The following LRRC7 variants were observed in gnomAD, a reference collection of about 807,000 sequenced individuals.
The protein encoded by LRRC7 is leucine-rich repeat-containing protein 7.
In LRRC7, 23 loss-of-function variants were observed where a neutral mutation model predicts 175.7. The ratio of observed to expected loss-of-function variants is 0.13; its 90% CI spans 0.09 to 0.19. The LOEUF (loss-of-function observed/expected upper bound fraction) is 0.19. LRRC7 is among the 10% of genes least tolerant of loss of function. LRRC7 has a pLI of 1.00. For missense variants in LRRC7, 1,354 were observed against 1,904.7 expected (o/e 0.71, Z 5.38); for synonymous variants, 685 against 680.9 (o/e 1.01, Z -0.09).
At chr1:70,114,424 G>A (rs573410705) in intron 26 of LRRC7, among the ~76,000 whole-genome samples, 9 of 152,112 alleles carry the variant, frequency 5.9e-5, no homozygotes, top group Non-Finnish European at 1.3e-4. Flanking sequence ...AGTGCTTTGG[G>A]AGGCAGAGGC....
At chr1:70,066,751 A>G (rs1223387896) in intron 23 of LRRC7, among the ~76,000 whole-genome samples, 1 of 152,090 alleles carries the variant, frequency 6.6e-6, no homozygotes, top group Non-Finnish European at 1.5e-5. Context: ...AATGTCCAGG[A>G]ATACAACTGC....
intron 7 of LRRC7, among the ~76,000 whole-genome samples, chr1:69,916,124 C>T (rs1646694044): frequency 7.3e-6 from 1 of 136,912 alleles, no homozygotes; most frequent in African/African-American, 2.7e-5. Context: ...ATATTATATA[C>T]ATATTTTATA....
Position 69,760,198 on chromosome 1 carries a change from C to T in LRRC7, c.108C>T (p.Cys36=), listed in dbSNP as rs1364489943. 1 of 1,612,480 alleles carries T rather than the reference C, an allele frequency of 6.2e-7. No homozygotes were observed. Among genetic ancestry groups the T allele is most frequent in the East Asian group, 2.2e-5 (1 of 44,804 alleles). ...LRKRPEEELQ[C]LEMTTKRKII... ...GTTTCTGCGTTTCTCTAGTGCAGTG[C>T]CTGGAGATGACCACCAAACGGAAAA... The change falls in exon 3 of 27, where the codon TGC becomes TGT. Residue 36 remains cysteine (C), a synonymous_variant. Transcript: ENST00000651989.
intron 2 of LRRC7, among the ~76,000 whole-genome samples, chr1:69,689,527 C>T (rs1190434835): frequency 1.5e-4 from 23 of 152,114 alleles, no homozygotes; most frequent in Admixed American, 1.4e-3. Context: ...AGTTAATATT[C>T]ATGCTGCAAT....
At chr1:69,808,048 G>A (rs112164839) in intron 4 of LRRC7, among the ~76,000 whole-genome samples, 2,495 of 151,124 alleles carry the variant, frequency 0.017, 61 homozygotes, top group African/African-American at 0.054. Context: ...TCATTAAGTC[G>A]ATCTTCAATC....
At chr1:69,652,253 A>AAAGAT (rs10633471) in intron 1 of LRRC7, among the ~76,000 whole-genome samples, 111,212 of 151,520 alleles carry the variant, frequency 0.73, 41,186 homozygotes, top group African/African-American at 0.81. Flanking sequence ...AGAAAACCCT[A>AAAGAT]TTCACAAACT....
chr1:69,780,497 G>T (rs1673360392), intron 3 of LRRC7, among the ~76,000 whole-genome samples: 3 of 152,080 alleles, frequency 2.0e-5, no homozygotes, highest in African/African-American at 7.2e-5. Flanking sequence ...AAGGGAGGAA[G>T]AAAGGGAAAA....
intron 2 of LRRC7, among the ~76,000 whole-genome samples, chr1:69,698,806 T>C (rs1040736): frequency 6.6e-6 from 1 of 152,026 alleles, no homozygotes. Context: ...TTAATTCACA[T>C]AACATGGTCT....
chr1:69,653,741 T>C (rs1218807783), intron 1 of LRRC7, among the ~76,000 whole-genome samples: 1 of 152,056 alleles, frequency 6.6e-6, no homozygotes, highest in Non-Finnish European at 1.5e-5. Flanking sequence ...AGCCGGGAAG[T>C]GACAACATCT....
intron 8 of LRRC7, among the ~76,000 whole-genome samples, chr1:69,946,142 C>T (rs1441232657): frequency 6.6e-6 from 1 of 152,048 alleles, no homozygotes; most frequent in African/African-American, 2.4e-5. Flanking sequence ...TGTTGGGGTA[C>T]ATTTTTTCTA....
chr1:69,995,943 G>T lies in LRRC7; in HGVS notation c.1004+1310G>T, dbSNP rs1429258179. Reference sequence around the variant, plus strand: ...CAGTAATGGGATGGCTGGGTCAAATGGTATTTCTAGTTCTAGATCCCTGAG... The same window carrying T: ...CAGTAATGGGATGGCTGGGTCAAATTGTATTTCTAGTTCTAGATCCCTGAG... On this transcript the variant is annotated intron_variant, in intron 11 of 26. Transcript: ENST00000651989. 4.7e-5 allele frequency among the ~76,000 whole-genome samples: 7 copies of T among 149,298 alleles called. 1 individual carries two copies. In the East Asian group the frequency reaches 1.4e-3, roughly 29 times the overall value.
At chr1:69,822,881 T>C (rs1283068283) in intron 4 of LRRC7, among the ~76,000 whole-genome samples, 2 of 152,228 alleles carry the variant, frequency 1.3e-5, no homozygotes, top group Non-Finnish European at 2.9e-5. Context: ...ATCAGTAAAC[T>C]GTGAGATGTT....
intron 7 of LRRC7, among the ~76,000 whole-genome samples, chr1:69,866,429 AG>A (rs1684955410): frequency 6.6e-6 from 1 of 152,178 alleles, no homozygotes; most frequent in South Asian, 2.1e-4. Flanking sequence ...TGGTGATGAA[AG>A]GGTATATCGT....
At chr1:70,016,816 G>A (rs915553059) in intron 14 of LRRC7, among the ~76,000 whole-genome samples, 18 of 151,936 alleles carry the variant, frequency 1.2e-4, no homozygotes, top group Non-Finnish European at 2.6e-4. Context: ...TAACTTCTAG[G>A]TGGTACACGT....
At chr1:69,774,420 A>T (rs1672584449) in intron 3 of LRRC7, among the ~76,000 whole-genome samples, 1 of 152,234 alleles carries the variant, frequency 6.6e-6, no homozygotes, top group Non-Finnish European at 1.5e-5. Flanking sequence ...AACTTTTATG[A>T]GTAGCATATA....
At chr1:70,087,527 A>G (rs1663706456) in intron 24 of LRRC7, among the ~76,000 whole-genome samples, 2 of 152,278 alleles carry the variant, frequency 1.3e-5, no homozygotes, top group Middle Eastern at 6.8e-3. Flanking sequence ...CAACTAGCAC[A>G]CTGAATAAGG....
chr1:69,576,718 A>T (rs989397954), intron 1 of LRRC7, among the ~76,000 whole-genome samples: 2 of 152,182 alleles, frequency 1.3e-5, no homozygotes, highest in Non-Finnish European at 2.9e-5. Context: ...TATGCTTTTC[A>T]TTTGTAAAAT....
chr1:69,807,436 G>A (rs139563912), intron 4 of LRRC7, among the ~76,000 whole-genome samples: 86 of 152,116 alleles, frequency 5.7e-4, no homozygotes, highest in African/African-American at 1.8e-3. Flanking sequence ...GACTGGTACC[G>A]GTTGTTCCTT....
intron 24 of LRRC7, among the ~76,000 whole-genome samples, chr1:70,083,772 G>A (rs1054974882): frequency 2.0e-5 from 3 of 151,980 alleles, no homozygotes; most frequent in African/African-American, 2.4e-5. Flanking sequence ...ATGACCAAAC[G>A]TCCTTGATTC....
Sources: gnomAD v4.1 joint callset for allele counts (sites outside exome capture counted in the v4.1 genomes callset) on GRCh38, gnomAD v4.1.1 for gene constraint, MANE v1.5 for transcripts, NCBI Gene and HGNC (gene_info 2026-07-23, HGNC 2026-07-21) for gene names.